The following ERN2 variants were observed in gnomAD, a reference collection of about 807,000 sequenced individuals.
ERN2 encodes endoplasmic reticulum to nucleus signaling 2.
A neutral mutation model predicts 107.9 loss-of-function variants in ERN2; 111 were observed. The observed-to-expected ratio is 1.03, with a 90% CI of 0.88 to 1.20. ERN2 has a LOEUF of 1.20. ERN2 is among the 50% of genes most tolerant of loss of function. The pLI is 0.00. For synonymous variants in ERN2, 524 were observed against 501.7 expected, an observed-to-expected ratio of 1.04 and a Z score of -0.59; for missense variants, 1,225 against 1,197.9, an observed-to-expected ratio of 1.02 and a Z score of -0.33.
At chr16:23,700,780 G>C in intron 12 of ERN2, 76 bp from the exon 13 acceptor site, 2 of 1,524,066 alleles carry the variant, frequency 1.3e-6, no homozygotes, top group Non-Finnish European at 1.8e-6. Context: ...CTGTGACTGA[G>C]ATGGCCTCAC....
At position 23,713,195 on chromosome 16, in the gene ERN2, G is replaced by T; in HGVS notation, c.-8C>A. 6.3e-7 allele frequency: 1 copy of T among 1,579,588 alleles called. No homozygotes were observed. Among genetic ancestry groups the T allele is most frequent in the East Asian group, 2.3e-5 (1 of 42,862 alleles). Reference sequence around the variant, plus strand: ...CCTGACCGCACTCGCCATAGCGCCTGGGCAGCTGCACGGCTGGCCAGGTCC... The same window carrying T: ...CCTGACCGCACTCGCCATAGCGCCTTGGCAGCTGCACGGCTGGCCAGGTCC... On this transcript the variant is annotated 5_prime_UTR_variant, in exon 1 of 22. Coordinates refer to ENST00000256797, the MANE Select transcript of ERN2 (RefSeq NM_033266.4).
rs566268236 is a variant in ERN2 at position 23,710,958 on chromosome 16, C to G, written c.154G>C (p.Ala52Pro). 6.2e-7 allele frequency: 1 copy of G among 1,614,084 alleles called. No homozygotes were observed. The highest frequency in any genetic ancestry group is 1.7e-5 in the Admixed American group (1 of 60,006). Residue 52 changes from alanine (A) to proline (P), a missense_variant, in exon 2 of 22, where the codon GCA becomes CCA. Transcript: ENST00000256797. ...AGGTCCCCTGTCTGCTTGCTTAGTG[C>G]GTGGAGACTTCCATCCAAGGTGGAC... ...LVSTLDGSLH[A>P]LSKQTGDLKW... is the part of the protein sequence containing the mutation.
rs773061299 is a variant in ERN2, at chr16:23,710,498, G to A, written c.233+18C>T. 9 of 1,613,866 alleles carry A rather than the reference G, an allele frequency of 5.6e-6. No homozygotes were observed. In the Admixed American group the frequency reaches 1.5e-4, roughly 27 times the overall value. On this transcript the variant is annotated intron_variant, in intron 3 of 21. Transcript: ENST00000256797. The stretch of plus-strand genomic sequence containing the variant: ...TCTCCCAGAAGCCTCCTCCTTAAAA[G>A]GCCCCAGGTTCACTTACTCTGTGAC...
chr16:23,713,205 A>G lies in ERN2; in HGVS notation c.-18T>C. On this transcript the variant is annotated 5_prime_UTR_variant, in exon 1 of 22. Coordinates refer to ENST00000256797, the MANE Select transcript of ERN2 (RefSeq NM_033266.4). Reference sequence around the variant, plus strand: ...CTCGCCATAGCGCCTGGGCAGCTGCACGGCTGGCCAGGTCCCTGGGTGCCT... The same window carrying G: ...CTCGCCATAGCGCCTGGGCAGCTGCGCGGCTGGCCAGGTCCCTGGGTGCCT... 1 of 1,579,058 alleles carries G rather than the reference A, an allele frequency of 6.3e-7. No individual in the cohort carries two copies. The highest frequency in any genetic ancestry group is 8.5e-7 in the Non-Finnish European group (1 of 1,169,674).
intron 10 of ERN2, 24 bp from the exon 11 acceptor site, chr16:23,702,297 C>A: frequency 6.2e-7 from 1 of 1,613,666 alleles, no homozygotes. Context: ...CAAAAGTCAT[C>A]AGGCTGAAGG....
rs1450333240 is a variant in ERN2 at position 23,690,940 on chromosome 16, A to G, written c.2672T>C (p.Leu891Pro). Residue 891 changes from leucine (L) to proline (P), a missense_variant, in exon 22 of 22, where the codon CTC (leucine) becomes CCC (proline). Leu to Pro is a moderately conservative substitution (Grantham distance 98, BLOSUM62 -3). Coordinates refer to ENST00000256797, the MANE Select transcript of ERN2 (RefSeq NM_033266.4). The stretch of plus-strand genomic sequence containing the variant: ...GCTCCTCATGGCTCGGTGCGTGTGG[A>G]GGAGCAGCCGTGGGAAGCGGTTTGT... The part of the protein sequence containing the change: ...YFTNRFPRLL[L>P]HTHRAMRSCA... 2 of 1,613,786 alleles carry G rather than the reference A, an allele frequency of 1.2e-6. No homozygotes were observed. The highest frequency in any genetic ancestry group is 2.2e-5 in the East Asian group (1 of 44,878).
chr16:23,692,117 GTC>G, intron 18 of ERN2, 27 bp from the exon 19 acceptor site: 4 of 1,613,728 alleles, frequency 2.5e-6, no homozygotes, highest in Non-Finnish European at 2.5e-6. Flanking sequence ...GAGGAGGAGA[GTC>G]TGCTTCAGGC....
chr16:23,700,407 A>G, intron 13 of ERN2, 132 bp downstream of exon 13: 2 of 868,202 alleles, frequency 2.3e-6, no homozygotes, highest in Non-Finnish European at 3.6e-6. Flanking sequence ...GGCTCTACTC[A>G]AAACACTCTT....
At position 23,707,055 on chromosome 16, in the gene ERN2, G is replaced by A; in HGVS notation, c.331C>T (p.Leu111=). ...CTGCGGCAGGGAGAGGCATGAACCA[G>A]CTCAGGGATGGTGAATGGCAGTTTC... ...LMKLPFTIPE[L]VHASPCRSSD... The change falls in exon 5 of 22, where the codon CTG becomes TTG. Residue 111 remains leucine, a synonymous_variant. Transcript: ENST00000256797. The A allele has an allele frequency of 1.2e-6, 2 of 1,614,102 alleles. No individual in the cohort carries two copies. The highest frequency in any genetic ancestry group is 2.2e-5 in the East Asian group (1 of 44,888).
intron 7 of ERN2, among the ~76,000 whole-genome samples, chr16:23,705,723 G>A (rs1253612864): frequency 6.6e-6 from 1 of 151,932 alleles, no homozygotes; most frequent in Non-Finnish European, 1.5e-5. Context: ...GACCAGCCTG[G>A]GCAACATAGC....
chr16:23,708,861 GA>G (rs1960429382), intron 4 of ERN2, among the ~76,000 whole-genome samples: 1 of 152,130 alleles, frequency 6.6e-6, no homozygotes. Flanking sequence ...GTAGAACCAT[GA>G]GTCAATGAAA....
chr16:23,693,196 A>G (rs940793450), intron 17 of ERN2, among the ~76,000 whole-genome samples: 1 of 151,990 alleles, frequency 6.6e-6, no homozygotes, highest in African/African-American at 2.4e-5. Flanking sequence ...TGGGAGGCTG[A>G]GGTGAGAGGA....
intron 13 of ERN2, 122 bp downstream of exon 13, chr16:23,700,417 T>C (rs1959997556): frequency 1.1e-6 from 1 of 938,448 alleles, no homozygotes; most frequent in Non-Finnish European, 1.6e-6. Context: ...AAAACACTCT[T>C]CTTAATTCAT....
At chr16:23,706,727 T>G (rs1467379680) in intron 6 of ERN2, 27 bp downstream of exon 6, 1 of 1,502,046 alleles carries the variant, frequency 6.7e-7, no homozygotes, top group South Asian at 1.1e-5. Flanking sequence ...TGCCCAGAGC[T>G]TGAGGAACAG....
In ERN2 at chr16:23,707,141, A is replaced by G. The variant is rs948944688; in HGVS notation, c.307-62T>C. ...AGCAACACACAGTGCTCACTGTGCC[A>G]GGTGAGCCCATTTCCATAGCAACCA... On this transcript the variant is annotated intron_variant, in intron 4 of 21. Transcript: ENST00000256797. 39 of 1,147,560 alleles carry G rather than the reference A, an allele frequency of 3.4e-5. No individual in the cohort carries two copies. The Admixed American group carries it at 6.1e-4, about 18-fold the overall frequency. 71.1% of individuals were successfully genotyped at this position (1,147,560 alleles called of 1,614,324 possible).
In ERN2 at chr16:23,697,856, A is replaced by C. The variant is rs896569139; in HGVS notation, c.1526-1878T>G. On this transcript the variant is annotated intron_variant, in intron 13 of 21. Transcript: ENST00000256797. Reference sequence around the variant, plus strand: ...ACTGTAACCTCGAACTCCTGGGCTCAAGCAATCCTCCTGCCTCAGCCCCCC... The same window carrying C: ...ACTGTAACCTCGAACTCCTGGGCTCCAGCAATCCTCCTGCCTCAGCCCCCC... 9.9e-5 allele frequency among the ~76,000 whole-genome samples: 15 copies of C among 152,216 alleles called. 1 individual carries two copies. The highest frequency in any genetic ancestry group is 4.6e-4 in the Admixed American group (7 of 15,280).
At chr16:23,697,987 C>G (rs769990596) in intron 13 of ERN2, among the ~76,000 whole-genome samples, 1 of 151,958 alleles carries the variant, frequency 6.6e-6, no homozygotes, top group Admixed American at 6.6e-5. Flanking sequence ...TGGGCTCAAG[C>G]AATCCTCCCA....
At chr16:23,696,346 C>G (rs1474918357) in intron 13 of ERN2, among the ~76,000 whole-genome samples, 1 of 151,498 alleles carries the variant, frequency 6.6e-6, no homozygotes, top group East Asian at 1.9e-4. Context: ...CTTTCAGCAT[C>G]TTCTGCACAG....
intron 8 of ERN2, 114 bp downstream of exon 8, chr16:23,704,769 C>T (rs1597153572): frequency 8.5e-7 from 1 of 1,182,278 alleles, no homozygotes; most frequent in Non-Finnish European, 1.2e-6. Context: ...AATGTTTTGA[C>T]CCCTGGTTCA....
Sources: gnomAD v4.1 joint callset for allele counts (sites outside exome capture counted in the v4.1 genomes callset) on GRCh38, gnomAD v4.1.1 for gene constraint, MANE v1.5 for transcripts, NCBI Gene and HGNC (gene_info 2026-07-23, HGNC 2026-07-21) for gene names.